SLC35D4: variants seen among roughly 807,000 people sequenced by gnomAD.
The protein encoded by SLC35D4 is solute carrier family 35 member D4.
chr18:23,371,888 C>G, the SLC35D4 span, among the ~76,000 whole-genome samples: 1 of 149,508 alleles, frequency 6.7e-6, no homozygotes, highest in South Asian at 2.1e-4. Context: ...CTCCACAGGA[C>G]TTAGTATCAT....
At chr18:23,375,974 TA>T in the SLC35D4 span, among the ~76,000 whole-genome samples, 1 of 152,206 alleles carries the variant, frequency 6.6e-6, no homozygotes, top group Non-Finnish European at 1.5e-5. Context: ...CCAGAAAGCA[TA>T]AAACCCAAAT....
At chr18:23,371,935 G>GTTTTTTTT in the SLC35D4 span, among the ~76,000 whole-genome samples, 13 of 35,472 alleles carry the variant, frequency 3.7e-4, 1 homozygote, top group Admixed American at 8.7e-4. Context: ...TGTTTTTTTT[G>GTTTTTTTT]TTTTTTTTTT....
chr18:23,306,004 C>T, the SLC35D4 span, among the ~76,000 whole-genome samples: 51 of 152,328 alleles, frequency 3.3e-4, no homozygotes, highest in African/African-American at 1.2e-3. Context: ...TTCCACAGGG[C>T]CACTGGTGCT....
At chr18:23,382,958 G>A in the SLC35D4 span, among the ~76,000 whole-genome samples, 9 of 152,354 alleles carry the variant, frequency 5.9e-5, no homozygotes, top group East Asian at 1.7e-3. Context: ...GGGTAGAGGA[G>A]GCACAGACTT....
the SLC35D4 span, among the ~76,000 whole-genome samples, chr18:23,298,277 G>T: frequency 6.6e-6 from 1 of 152,222 alleles, no homozygotes; most frequent in Non-Finnish European, 1.5e-5. Flanking sequence ...AGAAGGCAGG[G>T]AGGCGGGCTC....
the SLC35D4 span, among the ~76,000 whole-genome samples, chr18:23,358,246 G>A: frequency 2.6e-5 from 4 of 152,176 alleles, no homozygotes; most frequent in Non-Finnish European, 5.9e-5. Context: ...GAGGAACGGC[G>A]GAGAGGGAGA....
chr18:23,240,171 C>A, the SLC35D4 span, among the ~76,000 whole-genome samples: 1 of 152,052 alleles, frequency 6.6e-6, no homozygotes, highest in Non-Finnish European at 1.5e-5. Context: ...TGGACGTGGG[C>A]CCCAGGGGGT....
chr18:23,335,842 A>T, the SLC35D4 span, among the ~76,000 whole-genome samples: 20 of 152,310 alleles, frequency 1.3e-4, no homozygotes, highest in African/African-American at 4.6e-4. Context: ...TTCATTTTTT[A>T]AAAAATTATC....
the SLC35D4 span, among the ~76,000 whole-genome samples, chr18:23,407,337 C>T: frequency 6.6e-6 from 1 of 152,224 alleles, no homozygotes; most frequent in South Asian, 2.1e-4. Context: ...ACTACAAGGA[C>T]AGAAACCATC....
the SLC35D4 span, among the ~76,000 whole-genome samples, chr18:23,417,424 GA>G: frequency 6.6e-6 from 1 of 151,974 alleles, no homozygotes; most frequent in Non-Finnish European, 1.5e-5. Flanking sequence ...AGACACCAAA[GA>G]ACAAATATTG....
the SLC35D4 span, chr18:23,260,298 G>C: frequency 2.0e-5 from 3 of 152,234 alleles, no homozygotes; most frequent in African/African-American, 7.2e-5. Flanking sequence ...TTCCCTGCCA[G>C]GGTGTCTGTG....
the SLC35D4 span, among the ~76,000 whole-genome samples, chr18:23,393,074 C>T: frequency 4.4e-3 from 676 of 152,142 alleles, 4 homozygotes; most frequent in African/African-American, 0.016. Context: ...TGCTACCATG[C>T]CAGGATAATT....
chr18:23,399,463 T>A, the SLC35D4 span: 2 of 1,068,580 alleles, frequency 1.9e-6, no homozygotes, highest in Non-Finnish European at 2.8e-6. Context: ...TTATTATCAT[T>A]ATTAAAGTGA....
At chr18:23,281,694 C>T in the SLC35D4 span, among the ~76,000 whole-genome samples, 908 of 152,218 alleles carry the variant, frequency 6.0e-3, 8 homozygotes, top group African/African-American at 0.021. Context: ...GAACAGGGAG[C>T]GTGTGTTTGC....
At chr18:23,316,483 T>C in the SLC35D4 span, among the ~76,000 whole-genome samples, 1 of 152,240 alleles carries the variant, frequency 6.6e-6, no homozygotes, top group East Asian at 1.9e-4. Context: ...TTACCCATCC[T>C]ATGATTTATT....
the SLC35D4 span, among the ~76,000 whole-genome samples, chr18:23,280,401 T>C: frequency 2.0e-5 from 3 of 152,244 alleles, no homozygotes; most frequent in Non-Finnish European, 2.9e-5. Context: ...CTCTGTCCCC[T>C]GGTTCCCTTC....
the SLC35D4 span, among the ~76,000 whole-genome samples, chr18:23,289,395 C>A: frequency 1.3e-5 from 2 of 152,158 alleles, no homozygotes; most frequent in Non-Finnish European, 2.9e-5. Flanking sequence ...CATACAAAAC[C>A]ATATCCAGGC....
the SLC35D4 span, among the ~76,000 whole-genome samples, chr18:23,389,750 G>A: frequency 7.9e-5 from 12 of 152,148 alleles, no homozygotes; most frequent in African/African-American, 2.7e-4. Context: ...TGTTGATCAG[G>A]CTGGTCTCCA....
At chr18:23,335,546 C>T in the SLC35D4 span, among the ~76,000 whole-genome samples, 7 of 152,202 alleles carry the variant, frequency 4.6e-5, no homozygotes, top group Admixed American at 2.0e-4. Flanking sequence ...AAAAGAAAAC[C>T]GAACCCCTAT....
Sources: allele counts gnomAD v4.1 joint callset (sites outside exome capture counted in the v4.1 genomes callset), GRCh38; gene constraint gnomAD v4.1.1; transcripts MANE v1.5; gene names NCBI Gene and HGNC (gene_info 2026-07-23, HGNC 2026-07-21).